Variants in KLHDC2 observed in about 807,000 individuals in gnomAD.
The protein encoded by KLHDC2 is kelch domain containing 2, also known as kelch domain-containing protein 2.
Under a neutral mutation model 62.3 loss-of-function variants are expected in KLHDC2, and 38 were observed. The observed-to-expected ratio is 0.61, with a 90% CI of 0.47 to 0.80. The LOEUF is 0.80. KLHDC2 is among the 30% of genes least tolerant of loss of function. The pLI is 0.00. For missense variants in KLHDC2, 430 were observed against 495.3 expected (o/e 0.87, Z 1.25); for synonymous variants, 159 against 161.0 (o/e 0.99, Z 0.09).
Position 49,784,848 on chromosome 14 carries a change from C to T in KLHDC2, c.*1895C>T. 1 of 1,445,122 alleles carries T rather than the reference C, an allele frequency of 6.9e-7. No individual in the cohort carries two copies. 89.5% of individuals were successfully genotyped at this position (1,445,122 alleles called of 1,614,324 possible). Reference sequence around the variant, plus strand: ...GCTTCTAATAAGACAGCATTTTCTACTAAAATAACAAAAAACTGCTAACAT... The same window carrying T: ...GCTTCTAATAAGACAGCATTTTCTATTAAAATAACAAAAAACTGCTAACAT... On this transcript the variant is annotated 3_prime_UTR_variant, in exon 13 of 13. Coordinates refer to ENST00000298307, the MANE Select transcript of KLHDC2 (RefSeq NM_014315.3).
rs372910017 is a variant in KLHDC2 at position 49,784,973 on chromosome 14, A to G, written c.*2020A>G. ...TTTCTCTTGCTGTTGCTTCTTTGGA[A>G]TGCATGAAACTATTCAAGGCTGTTT... On this transcript the variant is annotated 3_prime_UTR_variant, in exon 13 of 13. Coordinates refer to ENST00000298307, the MANE Select transcript of KLHDC2 (RefSeq NM_014315.3). 2 of 1,613,830 alleles carry G rather than the reference A, an allele frequency of 1.2e-6. No individual in the cohort carries two copies. Among genetic ancestry groups the G allele is most frequent in the Non-Finnish European group, 1.7e-6 (2 of 1,179,938 alleles).
At position 49,768,353 on chromosome 14, in the gene KLHDC2, C is replaced by G; in HGVS notation, c.-116C>G. 8.1e-7 allele frequency: 1 copy of G among 1,234,188 alleles called. No individual in the cohort carries two copies. The highest frequency in any genetic ancestry group is 1.1e-6 in the Non-Finnish European group (1 of 896,990). The allele number at this position is 1,234,188 out of a possible 1,614,324, so 76.5% of individuals were successfully genotyped here. A position where few individuals can be genotyped will look rare whatever the true frequency, so the allele number is the denominator to read the frequency against. ...CGGCAGAGAGGCCTCAACGCCGTCC[C>G]TTTCGCCACCGCCTTTTCCTTGCCT... On this transcript the variant is annotated 5_prime_UTR_variant, in exon 1 of 13. Coordinates refer to ENST00000298307, the MANE Select transcript of KLHDC2 (RefSeq NM_014315.3).
At position 49,768,946 on chromosome 14, in the gene KLHDC2, G is replaced by A. The variant is rs141630787; in HGVS notation, c.153+325G>A. 9.0e-4 allele frequency: 261 copies of A among 289,596 alleles called. 1 individual carries two copies. Among genetic ancestry groups the A allele is most frequent in the Middle Eastern group, 2.0e-3 (2 of 978 alleles). The allele number at this position is 289,596 out of a possible 1,614,324, so 17.9% of individuals were successfully genotyped here. On this transcript the variant is annotated intron_variant, in intron 1 of 12. Transcript: ENST00000298307. ...TAATGTTGCTTGGGCGGTGCATTCG[G>A]AAGGGTTGGGGTGTGAAAGGTGACG... is the stretch of plus-strand genomic sequence containing the variant.
intron 3 of KLHDC2, among the ~76,000 whole-genome samples, chr14:49,777,048 C>T (rs8013947): frequency 0.97 from 147,211 of 152,184 alleles, 71,405 homozygotes; most frequent in East Asian, 1. Context: ...ATATATATAC[C>T]AGGGAATACT....
chr14:49,781,688 CTCTG>C (rs1482126498), intron 10 of KLHDC2, among the ~76,000 whole-genome samples: 1 of 150,612 alleles, frequency 6.6e-6, no homozygotes, highest in Non-Finnish European at 1.5e-5. Context: ...TAGAGCAAGA[CTCTG>C]TCTCTTAAAA....
chr14:49,774,608 G>A lies in KLHDC2; in HGVS notation c.281G>A (p.Ser94Asn). The change falls in exon 3 of 13, where the codon AGC becomes AAC. Residue 94 changes from serine to asparagine, a missense_variant. Physicochemically the swap from Ser to Asn is conservative, Grantham distance 46. Coordinates refer to ENST00000298307, the MANE Select transcript of KLHDC2 (RefSeq NM_014315.3). ...EGDVPPSMSG[S>N]CAVCVDRVLY... ...GATGTTCCTCCTTCTATGTCAGGAA[G>A]CTGTGCTGTGTGTGTAGACAGGGTG... The A allele has an allele frequency of 6.2e-7, 1 of 1,614,064 alleles. No individual in the cohort carries two copies. The highest frequency in any genetic ancestry group is 8.5e-7 in the Non-Finnish European group (1 of 1,179,916).
rs1198642982 is a variant in KLHDC2, at chr14:49,786,091, GT to G, written c.*3142del. 1 of 152,800 alleles carries G rather than the reference GT, an allele frequency of 6.5e-6. No homozygotes were observed. Among genetic ancestry groups the G allele is most frequent in the African/African-American group, 2.4e-5 (1 of 41,414 alleles). 9.5% of individuals were successfully genotyped at this position (152,800 alleles called of 1,614,324 possible). A position where few individuals can be genotyped will look rare whatever the true frequency, so the allele number is the denominator to read the frequency against. On this transcript the variant is annotated 3_prime_UTR_variant, in exon 13 of 13. Coordinates refer to ENST00000298307, the MANE Select transcript of KLHDC2 (RefSeq NM_014315.3). ...AGACAATGGGCAATGTCTAGAGATA[GT>G]TTTCGTTGACACGATGAGGGGTGAG...
intron 1 of KLHDC2, chr14:49,769,029 G>C (rs1889605330): frequency 6.2e-6 from 1 of 162,478 alleles, no homozygotes; most frequent in Non-Finnish European, 1.3e-5. Flanking sequence ...TCACCCTCTG[G>C]AGCTGGGAAC....
Position 49,785,123 on chromosome 14 carries a change from T to G in KLHDC2, c.*2170T>G. 1 of 1,606,186 alleles carries G rather than the reference T, an allele frequency of 6.2e-7. No homozygotes were observed. Among genetic ancestry groups the G allele is most frequent in the Non-Finnish European group, 8.5e-7 (1 of 1,172,918 alleles). On this transcript the variant is annotated 3_prime_UTR_variant, in exon 13 of 13. Transcript: ENST00000298307. ...CCTTTTTCTGCACTCCAGGAGTAAGTTTCACTTTATATCTTTAAAAAGGAA... is the reference window on the plus strand; with the variant it reads ...CCTTTTTCTGCACTCCAGGAGTAAGGTTCACTTTATATCTTTAAAAAGGAA...
chr14:49,773,198 G>A (rs1243702544), intron 2 of KLHDC2, among the ~76,000 whole-genome samples: 2 of 151,880 alleles, frequency 1.3e-5, no homozygotes, highest in Non-Finnish European at 2.9e-5. Context: ...TGGATCATGA[G>A]GTCAGGAGAT....
rs540506361 is a variant in KLHDC2, at chr14:49,783,007, A to T, written c.*54A>T. The T allele has an allele frequency of 3.9e-5, 60 of 1,555,818 alleles. No individual in the cohort carries two copies. The African/African-American group carries it at 7.7e-4, about 20-fold the overall frequency. On this transcript the variant is annotated 3_prime_UTR_variant, in exon 13 of 13. Coordinates refer to ENST00000298307, the MANE Select transcript of KLHDC2 (RefSeq NM_014315.3). ...TTGCATGGACAGCAATCCTGTAAAC[A>T]TCACAGAGTGGCATCATTTGTATAA...
rs939274415 is a variant in KLHDC2, at chr14:49,782,589, T to C, written c.1092T>C (p.Leu364=). 2 of 1,603,218 alleles carry C rather than the reference T, an allele frequency of 1.2e-6. No individual in the cohort carries two copies. The highest frequency in any genetic ancestry group is 1.3e-5 in the African/African-American group (1 of 74,606). Residue 364 remains leucine (L), a synonymous_variant, in exon 12 of 13, where the codon CTT becomes CTC. Coordinates refer to ENST00000298307, the MANE Select transcript of KLHDC2 (RefSeq NM_014315.3). ...TATTTTCAGTTCAACCAAAATCTCT[T>C]GTACGGTAAGTAACTTTGTACTTGG... The part of the protein sequence containing the change: ...ILIFSVQPKS[L]VRLSLEAVIC...
Position 49,782,985 on chromosome 14 carries a change from C to G in KLHDC2, c.*32C>G, listed in dbSNP as rs535498136. The G allele has an allele frequency of 6.2e-7, 1 of 1,600,820 alleles. No individual in the cohort carries two copies. Among genetic ancestry groups the G allele is most frequent in the East Asian group, 2.2e-5 (1 of 44,618 alleles). On this transcript the variant is annotated 3_prime_UTR_variant, in exon 13 of 13. Coordinates refer to ENST00000298307, the MANE Select transcript of KLHDC2 (RefSeq NM_014315.3). ...ATAAATAATGCCTATGATCACCTTG[C>G]ATGGACAGCAATCCTGTAAACATCA...
intron 9 of KLHDC2, 155 bp from the exon 10 acceptor site, chr14:49,780,548 A>AG (rs1278159554): frequency 1.5e-6 from 1 of 663,782 alleles, no homozygotes; most frequent in Non-Finnish European, 2.7e-6. Context: ...CAACATGCAA[A>AG]GGGCTTACTT....
chr14:49,779,984 G>A, intron 8 of KLHDC2, 178 bp downstream of exon 8: 1 of 622,954 alleles, frequency 1.6e-6, no homozygotes, highest in East Asian at 2.7e-5. Flanking sequence ...CTGTAACTAT[G>A]TGCCTAGTAC....
intron 1 of KLHDC2, among the ~76,000 whole-genome samples, chr14:49,770,750 G>A (rs1425206319): frequency 6.6e-6 from 1 of 152,204 alleles, no homozygotes; most frequent in Non-Finnish European, 1.5e-5. Flanking sequence ...TTCAGCTGTG[G>A]CATATGGTAG....
intron 10 of KLHDC2, chr14:49,782,090 C>T (rs766170617): frequency 1.6e-5 from 6 of 368,770 alleles, no homozygotes; most frequent in East Asian, 8.9e-5. Flanking sequence ...AGCTCCCATA[C>T]GATTTTTATT....
chr14:49,779,543 T>G (rs1384723934), intron 6 of KLHDC2, 52 bp from the exon 7 acceptor site: 9 of 1,350,826 alleles, frequency 6.7e-6, no homozygotes, highest in Non-Finnish European at 9.5e-6. Flanking sequence ...TAGACATAGG[T>G]ATTTTCCCTG....
Position 49,773,123 on chromosome 14 carries a change from T to G in KLHDC2, c.234-1438T>G, listed in dbSNP as rs558917886. Among the ~76,000 whole-genome samples, 31 of 152,140 alleles carry G rather than the reference T, an allele frequency of 2.0e-4. 1 individual carries two copies. The highest frequency in any genetic ancestry group is 7.0e-4 in the African/African-American group (29 of 41,520). ...GAATGCTACATATTTTTAAAGATAA[T>G]TTTTAAGGGGCCGGGCACGGTGGCT... is the stretch of plus-strand genomic sequence containing the variant. On this transcript the variant is annotated intron_variant, in intron 2 of 12. Coordinates refer to ENST00000298307, the MANE Select transcript of KLHDC2 (RefSeq NM_014315.3).
Sources: allele counts gnomAD v4.1 joint callset (sites outside exome capture counted in the v4.1 genomes callset), GRCh38; gene constraint gnomAD v4.1.1; transcripts MANE v1.5; gene names NCBI Gene and HGNC (gene_info 2026-07-23, HGNC 2026-07-21).